Variants in PIN4 observed in about 807,000 individuals in gnomAD.
The protein encoded by PIN4 is peptidylprolyl cis/trans isomerase, NIMA-interacting 4.
PIN4 carries 3 observed loss-of-function variants against 8.3 expected under a neutral mutation model. The observed-to-expected ratio is 0.36, with a 90% CI of 0.16 to 0.93. The LOEUF (loss-of-function observed/expected upper bound fraction) is 0.93. Among genes scored for constraint, PIN4 ranks in the 40% least tolerant of loss-of-function variants. The probability of loss-of-function intolerance (pLI) is 0.44; values close to 1 mark genes in which losing one functional copy is unlikely to be tolerated. For synonymous variants in PIN4, 18 were observed against 32.5 expected (o/e 0.55, Z 1.52); for missense variants, 75 against 100.6 (o/e 0.75, Z 1.09).
At chrX:72,193,145 A>G (rs2042744685) in intron 2 of PIN4, among the ~76,000 whole-genome samples, 1 of 110,511 alleles carries the variant, frequency 9.0e-6, no homozygotes. Context: ...GGAATGAAAA[A>G]CTCTTTGTCG....
At chrX:72,256,158 A>G (rs934970359) in intron 3 of PIN4, 1 of 112,176 alleles carries the variant, frequency 8.9e-6, no homozygotes, top group African/African-American at 3.2e-5. Context: ...AGAGCAAAAC[A>G]CACAAAAATC....
intron 3 of PIN4, among the ~76,000 whole-genome samples, chrX:72,254,516 A>G (rs2043101402): frequency 8.9e-6 from 1 of 112,532 alleles, no homozygotes; most frequent in Non-Finnish European, 1.9e-5. Context: ...CAATCGTCCT[A>G]GCACATAGTA....
chrX:72,208,179 A>G, intron 3 of PIN4: 2 of 1,211,932 alleles, frequency 1.7e-6, no homozygotes, highest in Non-Finnish European at 2.2e-6. Flanking sequence ...TGATAATAAC[A>G]CCATTCCTTT....
intron 3 of PIN4, among the ~76,000 whole-genome samples, chrX:72,239,908 G>A (rs1479011592): frequency 1.8e-5 from 2 of 108,640 alleles, no homozygotes; most frequent in Non-Finnish European, 3.8e-5. Context: ...TGAGACTCCC[G>A]TCTCTTTAAA....
rs202127459 is a variant in PIN4, at chrX:72,227,907, T to G, written c.312+31003T>G. Reference sequence around the variant, plus strand: ...AAGAAATCAATGTACTTTATGTTCTTAGCTCCTACAATTTAGCCTAAATAT... The same window carrying G: ...AAGAAATCAATGTACTTTATGTTCTGAGCTCCTACAATTTAGCCTAAATAT... On this transcript the variant is annotated intron_variant, in intron 3 of 3. Transcript: ENST00000423432. Among the ~76,000 whole-genome samples the G allele has an allele frequency of 1.4e-4, 16 of 113,003 alleles. No individual in the cohort carries two copies. The East Asian group carries it at 4.4e-3, about 31-fold the overall frequency.
chrX:72,247,584 C>T (rs764989553), intron 3 of PIN4, among the ~76,000 whole-genome samples: 1 of 112,474 alleles, frequency 8.9e-6, no homozygotes, highest in East Asian at 2.8e-4. Context: ...TCCAAATAGG[C>T]GTGGCCTTTT....
chrX:72,259,622 G>A (rs2147619669), intron 3 of PIN4, among the ~76,000 whole-genome samples: 1 of 110,527 alleles, frequency 9.0e-6, no homozygotes, highest in South Asian at 3.9e-4. Context: ...TTACAGATGG[G>A]AAAGCTGAGA....
In PIN4 at chrX:72,196,837, A is replaced by T. The variant is rs771087340; in HGVS notation, c.170A>T (p.Lys57Met). Residue 57 changes from lysine to methionine, a missense_variant, in exon 3 of 4, where the codon AAG becomes ATG. Physicochemically the swap from Lys to Met is moderately conservative, Grantham distance 95. Transcript: ENST00000373669. Reference sequence around the variant, plus strand: ...GGCAAAATCATGGAAGCCATGGAAAAGTTAAAGTCTGGGATGAGATTCAAT... The same window carrying T: ...GGCAAAATCATGGAAGCCATGGAAATGTTAAAGTCTGGGATGAGATTCAAT... ...KHGKIMEAME[K>M]LKSGMRFNEV... The T allele has an allele frequency of 8.3e-7, 1 of 1,203,217 alleles. No individual in the cohort carries two copies. The highest frequency in any genetic ancestry group is 3.0e-5 in the East Asian group (1 of 33,782).
intron 3 of PIN4, among the ~76,000 whole-genome samples, chrX:72,248,842 A>C (rs2043077048): frequency 9.1e-6 from 1 of 109,705 alleles, no homozygotes; most frequent in Non-Finnish European, 1.9e-5. Flanking sequence ...GCGCCACTGC[A>C]CTCCAGCCTG....
chrX:72,255,528 G>T (rs943791761), intron 3 of PIN4, among the ~76,000 whole-genome samples: 6 of 109,411 alleles, frequency 5.5e-5, no homozygotes, highest in African/African-American at 2.0e-4. Context: ...CCCTCTTCCC[G>T]CCCACGGCGC....
intron 3 of PIN4, among the ~76,000 whole-genome samples, chrX:72,261,689 T>C (rs2043140671): frequency 1.8e-5 from 2 of 112,482 alleles, no homozygotes; most frequent in Non-Finnish European, 3.8e-5. Context: ...CTGGTTATTA[T>C]AAAGTTGTCA....
intron 3 of PIN4, among the ~76,000 whole-genome samples, chrX:72,250,744 T>C: frequency 1.1e-5 from 1 of 94,942 alleles, no homozygotes; most frequent in Admixed American, 1.1e-4. Flanking sequence ...TGGTTTTTTT[T>C]TTTTTTTTTT....
chrX:72,246,441 C>G (rs1336739167), intron 3 of PIN4, among the ~76,000 whole-genome samples: 1 of 111,286 alleles, frequency 9.0e-6, no homozygotes, highest in Admixed American at 9.6e-5. Flanking sequence ...ACCCAAAAAC[C>G]AGAATCATCT....
Position 72,245,747 on chromosome X carries a change from T to C in PIN4, c.313-16960T>C, listed in dbSNP as rs1037743679. ...GCCCCTGGGATGGATAAACCCTTCT[T>C]GGAAACTAATCAAGTCAGCCCAGGA... On this transcript the variant is annotated intron_variant, in intron 3 of 3. Transcript: ENST00000423432. 1.6e-4 allele frequency among the ~76,000 whole-genome samples: 18 copies of C among 111,857 alleles called. No homozygotes were observed. In the Admixed American group the frequency reaches 1.6e-3, roughly 10 times the overall value.
intron 3 of PIN4, among the ~76,000 whole-genome samples, chrX:72,215,976 T>C (rs1391797321): frequency 9.0e-6 from 1 of 110,831 alleles, no homozygotes; most frequent in Non-Finnish European, 1.9e-5. Flanking sequence ...GATCTTTTTG[T>C]TGTCAATGTC....
chrX:72,201,610 GA>G (rs1213668961), downstream of PIN4, among the ~76,000 whole-genome samples: 6 of 111,647 alleles, frequency 5.4e-5, no homozygotes, highest in African/African-American at 2.0e-4. Context: ...CCTCGTCTCA[GA>G]AAAAAAAGTT....
intron 2 of PIN4, among the ~76,000 whole-genome samples, chrX:72,191,813 T>C (rs995061854): frequency 2.7e-5 from 3 of 112,055 alleles, no homozygotes; most frequent in Non-Finnish European, 5.6e-5. Context: ...TCAAACCGTG[T>C]TCTGAATACC....
chrX:72,219,072 G>A (rs1435809229), intron 3 of PIN4, among the ~76,000 whole-genome samples: 2 of 108,268 alleles, frequency 1.8e-5, no homozygotes, highest in Non-Finnish European at 3.8e-5. Flanking sequence ...CCTGGCCAAC[G>A]CAGTGAAACC....
At chrX:72,251,081 G>T (rs2043085014) in intron 3 of PIN4, among the ~76,000 whole-genome samples, 1 of 105,996 alleles carries the variant, frequency 9.4e-6, no homozygotes, top group East Asian at 3.1e-4. Context: ...GAGTGGGCCG[G>T]GTGCGGTGGC....
Sources: gnomAD v4.1 joint callset for allele counts (sites outside exome capture counted in the v4.1 genomes callset) on GRCh38, gnomAD v4.1.1 for gene constraint, MANE v1.5 for transcripts, NCBI Gene and HGNC (gene_info 2026-07-23, HGNC 2026-07-21) for gene names.